Variants in CSPP1 observed in about 807,000 individuals in gnomAD.
CSPP1 encodes centrosome and spindle pole associated protein 1, also known as centrosome and spindle pole-associated protein 1.
Under a neutral mutation model 164.4 loss-of-function variants are expected in CSPP1, and 126 were observed. That is an observed-to-expected ratio of 0.77 (90% CI 0.66 to 0.89). The LOEUF (loss-of-function observed/expected upper bound fraction) is 0.89. Among genes scored for constraint, CSPP1 ranks in the 40% least tolerant of loss-of-function variants. The probability of loss-of-function intolerance (pLI) is 0.00; values close to 1 mark genes in which losing one functional copy is unlikely to be tolerated. For synonymous variants in CSPP1, 472 were observed against 476.7 expected, an observed-to-expected ratio of 0.99 and a Z score of 0.13; for missense variants, 1,395 against 1,449.8, an observed-to-expected ratio of 0.96 and a Z score of 0.61.
Position 67,195,420 on chromosome 8 carries a change from A to C in CSPP1, c.3508A>C (p.Lys1170Gln). 6.2e-7 allele frequency: 1 copy of C among 1,614,162 alleles called. No homozygotes were observed. The highest frequency in any genetic ancestry group is 8.5e-7 in the Non-Finnish European group (1 of 1,180,008). Reference sequence around the variant, plus strand: ...ACTGGTTGACCCTGATGACATCATGAAACACATAGGGGATGACGGATCAAA... The same window carrying C: ...ACTGGTTGACCCTGATGACATCATGCAACACATAGGGGATGACGGATCAAA... ...SSLVDPDDIMKHIGDDGSNSV... is the reference protein window; with the variant it reads ...SSLVDPDDIMQHIGDDGSNSV... The change falls in exon 31 of 31, where the codon AAA becomes CAA. Residue 1170 changes from lysine to glutamine, a missense_variant. Coordinates refer to ENST00000678616, the MANE Select transcript of CSPP1 (RefSeq NM_001382391.1).
chr8:67,142,886 A>G (rs1183383523), intron 17 of CSPP1, among the ~76,000 whole-genome samples: 1 of 152,302 alleles, frequency 6.6e-6, no homozygotes. Flanking sequence ...CCTCATTTAA[A>G]AAAAGCTTTT....
At position 67,137,567 on chromosome 8, in the gene CSPP1, G is replaced by T; in HGVS notation, c.1939G>T (p.Gly647Cys). Residue 647 changes from glycine to cysteine, a missense_variant, in exon 17 of 31, where the codon GGT becomes TGT. Transcript: ENST00000678616. Reference protein sequence around the residue: ...TYNPWGKGGGGAPLRDAKGNL... With the variant: ...TYNPWGKGGGCAPLRDAKGNL... ...TAATCCCTGGGGAAAAGGTGGAGGTGGTGCTCCTCTCAGGGATGCAAAAGG... is the reference window on the plus strand; with the variant it reads ...TAATCCCTGGGGAAAAGGTGGAGGTTGTGCTCCTCTCAGGGATGCAAAAGG... 1.3e-6 allele frequency: 2 copies of T among 1,590,728 alleles called. No individual in the cohort carries two copies. The highest frequency in any genetic ancestry group is 1.7e-6 in the Non-Finnish European group (2 of 1,169,144).
At chr8:67,140,712 G>C (rs1823325659) in intron 17 of CSPP1, among the ~76,000 whole-genome samples, 1 of 152,172 alleles carries the variant, frequency 6.6e-6, no homozygotes, top group Non-Finnish European at 1.5e-5. Context: ...ATTCTTAGAA[G>C]CTTAAGGCCT....
chr8:67,193,390 C>A, intron 29 of CSPP1, 74 bp from the exon 30 acceptor site: 1 of 1,364,934 alleles, frequency 7.3e-7, no homozygotes, highest in Non-Finnish European at 1.0e-6. Flanking sequence ...AGGCACCATG[C>A]CTGGCCCTGA....
At chr8:67,077,840 A>G (rs2129541924) in intron 3 of CSPP1, among the ~76,000 whole-genome samples, 1 of 152,374 alleles carries the variant, frequency 6.6e-6, no homozygotes, top group East Asian at 1.9e-4. Flanking sequence ...CTGGATAGTC[A>G]GTAAGCTTTG....
intron 28 of CSPP1, among the ~76,000 whole-genome samples, chr8:67,186,860 T>C (rs1246963271): frequency 6.6e-6 from 1 of 152,198 alleles, no homozygotes; most frequent in African/African-American, 2.4e-5. Flanking sequence ...AGTCAGTCAC[T>C]TTACAATATG....
At chr8:67,106,237 A>G (rs1815502207) in intron 9 of CSPP1, among the ~76,000 whole-genome samples, 1 of 152,034 alleles carries the variant, frequency 6.6e-6, no homozygotes, top group Non-Finnish European at 1.5e-5. Flanking sequence ...TTTTAAAGCT[A>G]AATTATTTAG....
chr8:67,145,773 T>G (rs1824416392), intron 17 of CSPP1, among the ~76,000 whole-genome samples: 1 of 152,096 alleles, frequency 6.6e-6, no homozygotes, highest in Non-Finnish European at 1.5e-5. Context: ...TCTGCCCACC[T>G]CAGCCTCCGA....
chr8:67,067,111 G>A (rs1195227204), intron 1 of CSPP1, among the ~76,000 whole-genome samples: 4 of 152,198 alleles, frequency 2.6e-5, no homozygotes, highest in Non-Finnish European at 4.4e-5. Flanking sequence ...CTTTAGGAGG[G>A]AAGTCATTTT....
At chr8:67,082,689 AAATT>A (rs1390130377) in intron 3 of CSPP1, among the ~76,000 whole-genome samples, 1 of 152,224 alleles carries the variant, frequency 6.6e-6, no homozygotes, top group Non-Finnish European at 1.5e-5. Flanking sequence ...GTTAGAAGGT[AAATT>A]AATTATGAAG....
intron 3 of CSPP1, among the ~76,000 whole-genome samples, chr8:67,081,829 A>C: frequency 6.6e-6 from 1 of 152,084 alleles, no homozygotes; most frequent in Non-Finnish European, 1.5e-5. Context: ...ACTGCAGCTT[A>C]AAACTCCTGG....
At chr8:67,189,674 T>C (rs529811161) in intron 28 of CSPP1, among the ~76,000 whole-genome samples, 6 of 152,288 alleles carry the variant, frequency 3.9e-5, no homozygotes, top group East Asian at 1.9e-4. Flanking sequence ...CTTGTTCTTA[T>C]GAGGATAAAC....
In CSPP1 at chr8:67,113,837, C is replaced by G; in HGVS notation, c.1220C>G (p.Ser407Cys). ...EKDLELRVAA[S>C]GAQDPEKSWN... is the part of the protein sequence containing the mutation. Reference sequence around the variant, plus strand: ...GATTTAGAACTCAGGGTTGCAGCGTCTGGAGCACAAGACCCTGAGAAATCG... The same window carrying G: ...GATTTAGAACTCAGGGTTGCAGCGTGTGGAGCACAAGACCCTGAGAAATCG... The change falls in exon 11 of 31, where the codon TCT (serine) becomes TGT (cysteine). Residue 407 changes from serine to cysteine, a missense_variant. By Grantham distance (112) the Ser-to-Cys change is moderately radical. Transcript: ENST00000678616. 1 of 1,594,228 alleles carries G rather than the reference C, an allele frequency of 6.3e-7. No homozygotes were observed. The highest frequency in any genetic ancestry group is 8.6e-7 in the Non-Finnish European group (1 of 1,166,522).
At position 67,103,148 on chromosome 8, in the gene CSPP1, A is replaced by G; in HGVS notation, c.1022+13A>G. On this transcript the variant is annotated intron_variant, in intron 8 of 30. Transcript: ENST00000678616. ...CTGAAAATAAAAGGTACAGTATGTAATATAAATTCTCTGCTTTAGTCATTA... is the reference window on the plus strand; with the variant it reads ...CTGAAAATAAAAGGTACAGTATGTAGTATAAATTCTCTGCTTTAGTCATTA... 6.8e-7 allele frequency: 1 copy of G among 1,476,594 alleles called. No individual in the cohort carries two copies. The highest frequency in any genetic ancestry group is 9.5e-7 in the Non-Finnish European group (1 of 1,057,410). The allele number at this position is 1,476,594 out of a possible 1,614,324, so 91.5% of individuals were successfully genotyped here.
chr8:67,156,824 G>A (rs1368932009), intron 19 of CSPP1, among the ~76,000 whole-genome samples: 1 of 152,148 alleles, frequency 6.6e-6, no homozygotes, highest in African/African-American at 2.4e-5. Flanking sequence ...TTTAACCACA[G>A]CTTTAAAAAT....
chr8:67,113,452 C>G (rs1249666146), intron 10 of CSPP1, among the ~76,000 whole-genome samples: 1 of 151,966 alleles, frequency 6.6e-6, no homozygotes, highest in Admixed American at 6.6e-5. Flanking sequence ...AATTTTTACC[C>G]TTCTTTTTGC....
intron 15 of CSPP1, among the ~76,000 whole-genome samples, chr8:67,121,735 G>C (rs1409326506): frequency 6.6e-6 from 1 of 152,066 alleles, no homozygotes; most frequent in Middle Eastern, 3.2e-3. Flanking sequence ...ATTTATATTA[G>C]TTCTTCTTTA....
chr8:67,090,827 G>C (rs1811460170), intron 4 of CSPP1, among the ~76,000 whole-genome samples: 1 of 152,140 alleles, frequency 6.6e-6, no homozygotes, highest in South Asian at 2.1e-4. Flanking sequence ...ATAAATAAAA[G>C]GCATGGAATT....
At chr8:67,162,947 A>G (rs1828660925) in intron 22 of CSPP1, among the ~76,000 whole-genome samples, 1 of 152,206 alleles carries the variant, frequency 6.6e-6, no homozygotes. Flanking sequence ...CGCCATCAAC[A>G]TATTGGTGCT....
Sources: allele counts gnomAD v4.1 joint callset (sites outside exome capture counted in the v4.1 genomes callset), GRCh38; gene constraint gnomAD v4.1.1; transcripts MANE v1.5; gene names NCBI Gene and HGNC (gene_info 2026-07-23, HGNC 2026-07-21).